TBC1D15: variants seen among roughly 807,000 people sequenced by gnomAD.
TBC1D15 encodes GAP for RAB7.
In TBC1D15, 39 loss-of-function variants were observed where a neutral mutation model predicts 95.4. The observed-to-expected ratio is 0.41, with a 90% CI of 0.32 to 0.53. The LOEUF (loss-of-function observed/expected upper bound fraction) is 0.53, where lower values mean the gene tolerates loss of function less well. TBC1D15 is among the 20% of genes least tolerant of loss of function. The pLI is 0.29. For synonymous variants in TBC1D15, 258 were observed against 261.3 expected, an observed-to-expected ratio of 0.99 and a Z score of 0.12; for missense variants, 733 against 794.3, an observed-to-expected ratio of 0.92 and a Z score of 0.93.
intron 1 of TBC1D15, chr12:71,850,400 C>G (rs982411884): frequency 3.6e-6 from 1 of 275,582 alleles, no homozygotes; most frequent in South Asian, 3.7e-5. Context: ...CCAGCTCCTT[C>G]TGAGCAGGTT....
chr12:71,891,461 A>G (rs1030414886), intron 5 of TBC1D15, among the ~76,000 whole-genome samples: 17 of 152,132 alleles, frequency 1.1e-4, no homozygotes, highest in Admixed American at 9.2e-4. Flanking sequence ...CAGAATATAT[A>G]TTTATAGATT....
intron 4 of TBC1D15, 26 bp downstream of exon 4, chr12:71,880,633 T>TA: frequency 1.3e-6 from 2 of 1,585,956 alleles, no homozygotes; most frequent in East Asian, 2.2e-5. Flanking sequence ...TTTGAAATCT[T>TA]AAACTGATTT....
chr12:71,869,348 C>T (rs577615315), intron 1 of TBC1D15, among the ~76,000 whole-genome samples: 2 of 152,240 alleles, frequency 1.3e-5, no homozygotes, highest in African/African-American at 4.8e-5. Context: ...CGTGGTGAAA[C>T]CCCATCTCTA....
rs183430649 is a variant in TBC1D15, at chr12:71,853,178, C to T, written c.30+13367C>T. The stretch of plus-strand genomic sequence containing the variant: ...TACAATCATGGCGGAAGGCAAAGAG[C>T]GAGCCAACACTTCACATAGAGCAGG... On this transcript the variant is annotated intron_variant, in intron 1 of 16. Coordinates refer to ENST00000485960, the MANE Select transcript of TBC1D15 (RefSeq NM_001146213.3). Among the ~76,000 whole-genome samples, 45 of 152,210 alleles carry T rather than the reference C, an allele frequency of 3.0e-4. No individual in the cohort carries two copies. The East Asian group carries it at 6.0e-3, about 20-fold the overall frequency.
chr12:71,842,830 C>CAAAAAAAAAAAA (rs58842371), intron 1 of TBC1D15, among the ~76,000 whole-genome samples: 2 of 84,848 alleles, frequency 2.4e-5, no homozygotes, highest in Admixed American at 1.3e-4. Flanking sequence ...GACCCTGTCT[C>CAAAAAAAAAAAA]AAAAAAAAAA....
intron 10 of TBC1D15, among the ~76,000 whole-genome samples, chr12:71,906,248 T>C (rs1375329916): frequency 6.6e-6 from 1 of 152,236 alleles, no homozygotes. Context: ...AGTTATCACT[T>C]TTAAACAATT....
intron 1 of TBC1D15, among the ~76,000 whole-genome samples, chr12:71,864,886 G>A (rs921993730): frequency 7.9e-5 from 12 of 152,202 alleles, no homozygotes; most frequent in Non-Finnish European, 1.2e-4. Context: ...TAGTATCCAC[G>A]TAGCTTATTT....
intron 5 of TBC1D15, among the ~76,000 whole-genome samples, chr12:71,891,694 CACA>C (rs1897231651): frequency 1.3e-5 from 2 of 152,070 alleles, no homozygotes; most frequent in Admixed American, 6.6e-5. Context: ...CCCTCCATCA[CACA>C]ACAATAGTTA....
Position 71,885,017 on chromosome 12 carries a change from TGTGA to T in TBC1D15, c.553_554+2del. ...ATCTCTTGAAAAATATGTGGTATTG[TGTGA>T]GTAAGTATCATATTATTTTCTACTT... On this transcript the variant is annotated frameshift_variant and splice_region_variant, in exon 5 of 17. Transcript: ENST00000485960. LOFTEE classifies it high-confidence loss of function. 4.3e-6 allele frequency: 7 copies of T among 1,613,050 alleles called. No homozygotes were observed. The highest frequency in any genetic ancestry group is 5.9e-6 in the Non-Finnish European group (7 of 1,179,348).
intron 3 of TBC1D15, among the ~76,000 whole-genome samples, chr12:71,876,475 C>T (rs1263226070): frequency 2.0e-5 from 3 of 152,152 alleles, no homozygotes; most frequent in Non-Finnish European, 4.4e-5. Flanking sequence ...ATACTCTTAT[C>T]CCAGAGCCTT....
chr12:71,886,358 C>A (rs1896227495), intron 5 of TBC1D15, among the ~76,000 whole-genome samples: 1 of 152,158 alleles, frequency 6.6e-6, no homozygotes, highest in South Asian at 2.1e-4. Flanking sequence ...TTAGTAGAGA[C>A]AGAGTTTCAC....
chr12:71,897,780 C>CTGTT (rs1451347598), intron 9 of TBC1D15, 67 bp from the exon 10 acceptor site: 4 of 1,177,644 alleles, frequency 3.4e-6, no homozygotes, highest in Non-Finnish European at 5.0e-6. Context: ...ATAGAAAAAC[C>CTGTT]CAATTAAACA....
At chr12:71,896,261 G>C in intron 8 of TBC1D15, 186 bp downstream of exon 8, 1 of 514,378 alleles carries the variant, frequency 1.9e-6, no homozygotes, top group East Asian at 3.3e-5. Flanking sequence ...CCTGGATTGA[G>C]TAGGACAGAG....
At chr12:71,895,098 C>T (rs1176992676) in intron 7 of TBC1D15, among the ~76,000 whole-genome samples, 1 of 152,012 alleles carries the variant, frequency 6.6e-6, no homozygotes, top group African/African-American at 2.4e-5. Flanking sequence ...TTGGATCTCT[C>T]TTCTTTGATT....
At chr12:71,863,812 CTTTTATTT>C (rs1188430337) in intron 1 of TBC1D15, among the ~76,000 whole-genome samples, 1 of 151,920 alleles carries the variant, frequency 6.6e-6, no homozygotes, top group Non-Finnish European at 1.5e-5. Flanking sequence ...TTGAAGCTCT[CTTTTATTT>C]TTTTATTTTA....
chr12:71,858,473 T>C (rs1390575621), intron 1 of TBC1D15, among the ~76,000 whole-genome samples: 1 of 146,990 alleles, frequency 6.8e-6, no homozygotes, highest in Non-Finnish European at 1.5e-5. Flanking sequence ...AGTGCTTCTT[T>C]GACATGCTGA....
At chr12:71,886,835 C>T (rs1193542033) in intron 5 of TBC1D15, among the ~76,000 whole-genome samples, 1 of 152,140 alleles carries the variant, frequency 6.6e-6, no homozygotes, top group Non-Finnish European at 1.5e-5. Flanking sequence ...TATTTAATAG[C>T]AGGCATTAAA....
chr12:71,915,461 A>C (rs1453348966), intron 12 of TBC1D15, among the ~76,000 whole-genome samples: 5 of 151,780 alleles, frequency 3.3e-5, no homozygotes, highest in Non-Finnish European at 5.9e-5. Flanking sequence ...AAAAAAAAAA[A>C]AAAACACAAC....
intron 1 of TBC1D15, among the ~76,000 whole-genome samples, chr12:71,852,759 C>T (rs1888137672): frequency 6.6e-6 from 1 of 152,182 alleles, no homozygotes; most frequent in Admixed American, 6.5e-5. Context: ...GACTTTTACT[C>T]CACTTCCCAG....
Sources: gnomAD v4.1 joint callset for allele counts (sites outside exome capture counted in the v4.1 genomes callset) on GRCh38, gnomAD v4.1.1 for gene constraint, MANE v1.5 for transcripts, NCBI Gene and HGNC (gene_info 2026-07-23, HGNC 2026-07-21) for gene names.